Variants in SLC19A3 observed in about 807,000 individuals in gnomAD.
SLC19A3 encodes solute carrier family 19 member 3, also known as thiamine transporter 2.
In SLC19A3, 31 loss-of-function variants were observed where a neutral mutation model predicts 40.2. That is an observed-to-expected ratio of 0.77 (90% CI 0.58 to 1.04). The LOEUF (loss-of-function observed/expected upper bound fraction) is 1.04, where lower values mean the gene tolerates loss of function less well. Ranked by LOEUF, SLC19A3 falls within the 50% of genes least tolerant of loss-of-function variation. The pLI is 0.00. For synonymous variants in SLC19A3, 212 were observed against 227.5 expected (o/e 0.93, Z 0.61); for missense variants, 592 against 596.7 (o/e 0.99, Z 0.08).
At chr2:227,704,169 G>C (rs750582786) in intron 1 of SLC19A3, among the ~76,000 whole-genome samples, 4 of 152,178 alleles carry the variant, frequency 2.6e-5, no homozygotes, top group Non-Finnish European at 5.9e-5. Flanking sequence ...AGGGTGAAAA[G>C]AGAGAAGTGT....
intron 3 of SLC19A3, among the ~76,000 whole-genome samples, chr2:227,697,513 T>C (rs1695483152): frequency 6.6e-6 from 1 of 152,198 alleles, no homozygotes; most frequent in Non-Finnish European, 1.5e-5. Context: ...AAGCTGCTTT[T>C]GAAAGTTGTT....
chr2:227,715,102 G>C (rs1443386204), intron 1 of SLC19A3, among the ~76,000 whole-genome samples: 1 of 151,992 alleles, frequency 6.6e-6, no homozygotes, highest in Non-Finnish European at 1.5e-5. Flanking sequence ...TTACAGGTGT[G>C]AGCCGCCGTG....
Position 227,703,094 on chromosome 2 carries a change from C to G in SLC19A3, c.-2-774G>C, listed in dbSNP as rs1447961190. ...ACTCCCATCAGGAATCTTTCACCCA[C>G]TCCACTCTCCCTCATTCTGGAGGCC... On this transcript the variant is annotated intron_variant, in intron 1 of 5. Coordinates refer to ENST00000644224, the MANE Select transcript of SLC19A3 (RefSeq NM_025243.4). The surrounding 1 kb of genome is among the most constrained non-coding windows in gnomAD (Gnocchi z 4.7). 1 of 152,254 alleles carries G rather than the reference C, an allele frequency of 6.6e-6. No individual in the cohort carries two copies. Among genetic ancestry groups the G allele is most frequent in the Admixed American group, 6.5e-5 (1 of 15,272 alleles). The allele number at this position is 152,254 out of a possible 1,614,324, so 9.4% of individuals were successfully genotyped here. A position where few individuals can be genotyped will look rare whatever the true frequency, so the allele number is the denominator to read the frequency against.
chr2:227,708,560 TCAAACAAA>T lies in SLC19A3; in HGVS notation c.-2-6248_-2-6241del, dbSNP rs60812853. ...GCAACATAGTGAGACCCTGTCTCTA[TCAAACAAA>T]CAAACAAACAAACAAACAAACAAAC... On this transcript the variant is annotated intron_variant, in intron 1 of 5. Coordinates refer to ENST00000644224, the MANE Select transcript of SLC19A3 (RefSeq NM_025243.4). Among the ~76,000 whole-genome samples, 366 of 150,794 alleles carry T rather than the reference TCAAACAAA, an allele frequency of 2.4e-3. 1 individual carries two copies. The highest frequency in any genetic ancestry group is 0.012 in the South Asian group (55 of 4,730).
In SLC19A3 at chr2:227,686,063, GGT is replaced by G; in HGVS notation, c.*1332_*1333del. On this transcript the variant is annotated 3_prime_UTR_variant, in exon 6 of 6. Coordinates refer to ENST00000644224, the MANE Select transcript of SLC19A3 (RefSeq NM_025243.4). ...AATACAAAAATTAGCCAGGCGTGGT[GGT>G]GTGCACCCATAGTCCCAGCTACTTG... 1 of 418,416 alleles carries G rather than the reference GGT, an allele frequency of 2.4e-6. No homozygotes were observed. The highest frequency in any genetic ancestry group is 1.7e-5 in the South Asian group (1 of 58,906). The allele number at this position is 418,416 out of a possible 1,614,324, so 25.9% of individuals were successfully genotyped here.
At chr2:227,705,303 A>G (rs2080670981) in intron 1 of SLC19A3, among the ~76,000 whole-genome samples, 1 of 151,958 alleles carries the variant, frequency 6.6e-6, no homozygotes, top group South Asian at 2.1e-4. Context: ...GTACTAAGTT[A>G]GAAGTTGTAG....
intron 3 of SLC19A3, 59 bp downstream of exon 3, chr2:227,698,677 G>C: frequency 6.9e-7 from 1 of 1,441,424 alleles, no homozygotes. Flanking sequence ...TTCGGTACCT[G>C]GAGGAATGGA....
chr2:227,703,840 T>C lies in SLC19A3; in HGVS notation c.-2-1520A>G, dbSNP rs1462066946. Among the ~76,000 whole-genome samples, 1 of 152,160 alleles carries C rather than the reference T, an allele frequency of 6.6e-6. No homozygotes were observed. On this transcript the variant is annotated intron_variant, in intron 1 of 5. Transcript: ENST00000644224. This position sits in a 1 kb window ranked among gnomAD's most constrained non-coding sequence, Gnocchi z 4.7. Reference sequence around the variant, plus strand: ...GGATTTGTTCTCTAAATCCAGGTCATCATCTTCTCTGTGCATCTGAGACCT... The same window carrying C: ...GGATTTGTTCTCTAAATCCAGGTCACCATCTTCTCTGTGCATCTGAGACCT...
At chr2:227,705,510 C>T (rs1250033668) in intron 1 of SLC19A3, among the ~76,000 whole-genome samples, 2 of 151,748 alleles carry the variant, frequency 1.3e-5, no homozygotes, top group African/African-American at 4.8e-5. Context: ...GGGTATATAC[C>T]CAGTAACAGG....
At chr2:227,688,391 G>A (rs1695100975) in intron 4 of SLC19A3, 84 bp from the exon 5 acceptor site, 1 of 1,334,306 alleles carries the variant, frequency 7.5e-7, no homozygotes, top group Non-Finnish European at 1.1e-6. Context: ...GGCCACAGGG[G>A]TATTTGTGTC....
chr2:227,688,845 CTG>C (rs1305958460), intron 4 of SLC19A3, among the ~76,000 whole-genome samples: 2 of 152,044 alleles, frequency 1.3e-5, no homozygotes, highest in African/African-American at 4.8e-5. Context: ...TTCAAAATAG[CTG>C]TGTTAAGAAA....
intron 1 of SLC19A3, among the ~76,000 whole-genome samples, chr2:227,715,957 A>G (rs1696321563): frequency 6.6e-6 from 1 of 151,264 alleles, no homozygotes; most frequent in African/African-American, 2.4e-5. Flanking sequence ...GTCTCAAAAA[A>G]AAAAAAAAAA....
Position 227,703,051 on chromosome 2 carries a change from C to G in SLC19A3, c.-2-731G>C, listed in dbSNP as rs922794339. 6 of 152,406 alleles carry G rather than the reference C, an allele frequency of 3.9e-5. No individual in the cohort carries two copies. Among genetic ancestry groups the G allele is most frequent in the Non-Finnish European group, 5.9e-5 (4 of 68,212 alleles). 9.4% of individuals were successfully genotyped at this position (152,406 alleles called of 1,614,324 possible). On this transcript the variant is annotated intron_variant, in intron 1 of 5. Transcript: ENST00000644224. The surrounding 1 kb of genome is among the most constrained non-coding windows in gnomAD (Gnocchi z 4.7). ...TGGCTTCAAACCACATGATCAAGAT[C>G]TGAATCCAGGTCTCCCTACTCCCAT...
intron 2 of SLC19A3, among the ~76,000 whole-genome samples, chr2:227,699,882 G>C (rs371920980): frequency 5.3e-5 from 8 of 151,966 alleles, no homozygotes; most frequent in Non-Finnish European, 1.0e-4. Context: ...AAGATTTTCC[G>C]ATTCTTTTTT....
chr2:227,709,536 C>T (rs937802002), intron 1 of SLC19A3, among the ~76,000 whole-genome samples: 5 of 152,194 alleles, frequency 3.3e-5, no homozygotes, highest in African/African-American at 4.8e-5. Context: ...GGTGGGTTTC[C>T]TGAAGCCAGG....
chr2:227,717,437 C>T (rs1696371766), intron 1 of SLC19A3, among the ~76,000 whole-genome samples: 2 of 152,292 alleles, frequency 1.3e-5, no homozygotes, highest in Admixed American at 6.5e-5. Context: ...TATTTGATGA[C>T]TTAGGTATCC....
chr2:227,704,699 G>C (rs1168503184), intron 1 of SLC19A3, among the ~76,000 whole-genome samples: 1 of 151,988 alleles, frequency 6.6e-6, no homozygotes, highest in South Asian at 2.1e-4. Flanking sequence ...GAGGCAGGAG[G>C]GTCACTTGAG....
rs1445470133 is a variant in SLC19A3 at position 227,687,408 on chromosome 2, T to C, written c.1480A>G (p.Thr494Ala). The change falls in exon 6 of 6, where the codon ACA (threonine) becomes GCA (alanine). Residue 494 changes from threonine (T) to alanine (A), a missense_variant. By Grantham distance (58) the Thr-to-Ala change is moderately conservative. Coordinates refer to ENST00000644224, the MANE Select transcript of SLC19A3 (RefSeq NM_025243.4). ...PEEESNIIMS[T>A]KL Reference sequence around the variant, plus strand: ...TTGTTGCGATGAGGTTAGAGTTTTGTTGACATGATGATATTACTCTCTTCC... The same window carrying C: ...TTGTTGCGATGAGGTTAGAGTTTTGCTGACATGATGATATTACTCTCTTCC... 1.9e-6 allele frequency: 3 copies of C among 1,607,976 alleles called. No individual in the cohort carries two copies. The highest frequency in any genetic ancestry group is 2.6e-6 in the Non-Finnish European group (3 of 1,175,916).
At chr2:227,717,529 C>G (rs1204699622) in intron 1 of SLC19A3, among the ~76,000 whole-genome samples, 3 of 152,134 alleles carry the variant, frequency 2.0e-5, no homozygotes, top group Non-Finnish European at 4.4e-5. Context: ...CCCAAAAAAG[C>G]CCCTGCTCTC....
Sources: gnomAD v4.1 joint callset for allele counts (sites outside exome capture counted in the v4.1 genomes callset) on GRCh38, gnomAD v4.1.1 for gene constraint, Gnocchi (gnomAD v3.1) non-coding constraint, MANE v1.5 for transcripts, NCBI Gene and HGNC (gene_info 2026-07-23, HGNC 2026-07-21) for gene names.